The following TEX36 variants were observed in gnomAD, a reference collection of about 807,000 sequenced individuals.
TEX36 encodes the protein testis expressed 36.
TEX36 carries 12 observed loss-of-function variants against 13.6 expected under a neutral mutation model. The ratio of observed to expected loss-of-function variants is 0.88; its 90% CI spans 0.56 to 1.43. TEX36 has a LOEUF of 1.43. Among genes scored for constraint, TEX36 ranks in the 40% most tolerant of loss-of-function variants. TEX36 has a pLI of 0.00. For missense variants in TEX36, 224 were observed against 228.3 expected, an observed-to-expected ratio of 0.98 and a Z score of 0.12; for synonymous variants, 93 against 83.0, an observed-to-expected ratio of 1.12 and a Z score of -0.65.
At chr10:125,652,853 A>T (rs980154069), downstream of TEX36, among the ~76,000 whole-genome samples, 3 of 152,246 alleles carry the variant, frequency 2.0e-5, no homozygotes, top group African/African-American at 7.2e-5. Flanking sequence ...TTCTCAAAGG[A>T]AGACATTTAT....
chr10:125,586,635 C>CAAAAA (rs35078105), intron 3 of TEX36, among the ~76,000 whole-genome samples: 10 of 113,870 alleles, frequency 8.8e-5, no homozygotes, highest in Admixed American at 9.9e-5. Context: ...ACTAAAAATC[C>CAAAAA]AAAAAAAAAA....
chr10:125,669,480 C>CAA (rs151234839), intron 1 of TEX36, among the ~76,000 whole-genome samples: 184 of 138,490 alleles, frequency 1.3e-3, no homozygotes, highest in African/African-American at 4.7e-3. Context: ...AACTTTGTCT[C>CAA]AAAAAAAAAA....
chr10:125,580,900 C>T (rs1359129107), intron 3 of TEX36, among the ~76,000 whole-genome samples: 1 of 152,136 alleles, frequency 6.6e-6, no homozygotes, highest in Non-Finnish European at 1.5e-5. Context: ...AGGGAAGAGT[C>T]CTCTATAATC....
At chr10:125,633,790 A>C (rs1269225065) in intron 3 of TEX36, among the ~76,000 whole-genome samples, 1 of 152,226 alleles carries the variant, frequency 6.6e-6, no homozygotes, top group Non-Finnish European at 1.5e-5. Flanking sequence ...TCAGGAAATT[A>C]AACTTTTTAT....
intron 3 of TEX36, among the ~76,000 whole-genome samples, chr10:125,623,399 T>C (rs1409765993): frequency 6.6e-6 from 1 of 152,152 alleles, no homozygotes; most frequent in Non-Finnish European, 1.5e-5. Flanking sequence ...AACAATCGTT[T>C]ACTGGCCATC....
chr10:125,604,539 G>A (rs1846191919), intron 3 of TEX36, among the ~76,000 whole-genome samples: 1 of 151,720 alleles, frequency 6.6e-6, no homozygotes, highest in Admixed American at 6.6e-5. Flanking sequence ...GAGAGCCAAG[G>A]GCAGTGGCTC....
At chr10:125,660,020 T>C (rs1348272289) in intron 3 of TEX36, among the ~76,000 whole-genome samples, 1 of 152,238 alleles carries the variant, frequency 6.6e-6, no homozygotes, top group Admixed American at 6.5e-5. Flanking sequence ...ACACAAACTG[T>C]ATTTTAAAGA....
At chr10:125,585,372 T>A (rs888581481) in intron 3 of TEX36, among the ~76,000 whole-genome samples, 1 of 152,182 alleles carries the variant, frequency 6.6e-6, no homozygotes, top group African/African-American at 2.4e-5. Flanking sequence ...CCCCAAAGTA[T>A]GGCACGTTGG....
chr10:125,661,932 T>G lies in TEX36; in HGVS notation c.97A>C (p.Ser33Arg). 1 of 1,552,340 alleles carries G rather than the reference T, an allele frequency of 6.4e-7. No homozygotes were observed. The highest frequency in any genetic ancestry group is 8.7e-7 in the Non-Finnish European group (1 of 1,147,132). The change falls in exon 2 of 4, where the codon AGT (serine) becomes CGT (arginine). Residue 33 changes from serine to arginine, a missense_variant. Coordinates refer to ENST00000368821, the MANE Select transcript of TEX36 (RefSeq NM_001128202.3). ...LTQKTPESITSATSKEPQSPH... is the reference protein window; with the variant it reads ...LTQKTPESITRATSKEPQSPH... ...CTCTGGGGCTCTTTTGACGTAGCAC[T>G]GGTGATGGATTCTGGTGTCTTTTGC...
chr10:125,670,185 G>A (rs1376908671), intron 1 of TEX36, among the ~76,000 whole-genome samples: 1 of 152,212 alleles, frequency 6.6e-6, no homozygotes. Flanking sequence ...CTTCCACAAT[G>A]GTTGAACTAA....
chr10:125,584,238 C>A (rs778057804), intron 3 of TEX36, among the ~76,000 whole-genome samples: 1 of 152,242 alleles, frequency 6.6e-6, no homozygotes, highest in Non-Finnish European at 1.5e-5. Flanking sequence ...CACTGCCCAG[C>A]AGAGCCCAGC....
chr10:125,588,698 T>A (rs576284097), intron 3 of TEX36, among the ~76,000 whole-genome samples: 2 of 152,326 alleles, frequency 1.3e-5, no homozygotes, highest in African/African-American at 4.8e-5. Flanking sequence ...CACTGCAAAC[T>A]CCGCCTCCCG....
intron 1 of TEX36, among the ~76,000 whole-genome samples, chr10:125,663,613 T>C (rs1181577618): frequency 6.6e-6 from 1 of 152,224 alleles, no homozygotes; most frequent in Admixed American, 6.5e-5. Flanking sequence ...AGATGATATC[T>C]CATCGTGGTT....
rs539289272 is a variant in TEX36, at chr10:125,632,414, G to A, written c.265-10769C>T. 5.3e-5 allele frequency among the ~76,000 whole-genome samples: 8 copies of A among 152,208 alleles called. No homozygotes were observed. The South Asian group carries it at 8.3e-4, about 16-fold the overall frequency. On this transcript the variant is annotated intron_variant, in intron 3 of 3. Transcript: ENST00000526819. Reference sequence around the variant, plus strand: ...GGAAGAGACTCTCCTTCTTTGTCCCGCATCTCCTGTGCCTAGTACAGGGCC... The same window carrying A: ...GGAAGAGACTCTCCTTCTTTGTCCCACATCTCCTGTGCCTAGTACAGGGCC...
At chr10:125,639,100 C>T (rs1333305142) in intron 3 of TEX36, among the ~76,000 whole-genome samples, 1 of 152,126 alleles carries the variant, frequency 6.6e-6, no homozygotes, top group African/African-American at 2.4e-5. Flanking sequence ...AAATGAATTC[C>T]TTATCTGGCA....
chr10:125,654,100 C>G (rs1846905760), downstream of TEX36, among the ~76,000 whole-genome samples: 1 of 152,102 alleles, frequency 6.6e-6, no homozygotes, highest in Non-Finnish European at 1.5e-5. Flanking sequence ...AGAATTATCA[C>G]TTTTATGAAT....
Position 125,661,030 on chromosome 10 carries a change from G to C in TEX36, c.255C>G (p.Tyr85Ter). The C allele has an allele frequency of 1.9e-6, 3 of 1,551,420 alleles. No homozygotes were observed. The South Asian group carries it at 3.6e-5, about 18-fold the overall frequency. The change falls in exon 3 of 4, where the codon TAC (tyrosine) becomes TAG (stop). Residue 85 changes from tyrosine to a stop codon, truncating the protein, a stop_gained. Transcript: ENST00000368821. LOFTEE classifies it low-confidence loss of function (END_TRUNC). ...GGAAAGAAATACTCACGGAGTCAAG[G>C]TAGCATCCAGAGTTCTCCAAGCTGT... ...NRHSLENSGC[Y>*]LDSGLGRKKI...
intron 3 of TEX36, among the ~76,000 whole-genome samples, chr10:125,646,375 T>A (rs1424990921): frequency 3.9e-5 from 6 of 151,982 alleles, no homozygotes. Flanking sequence ...AGAAAACAAC[T>A]GCAAGCTATT....
At chr10:125,589,420 C>T (rs1165922518) in intron 3 of TEX36, among the ~76,000 whole-genome samples, 1 of 152,168 alleles carries the variant, frequency 6.6e-6, no homozygotes, top group Non-Finnish European at 1.5e-5. Flanking sequence ...CCACCCTTGT[C>T]TTATACCTGA....
Sources: gnomAD v4.1 joint callset for allele counts (sites outside exome capture counted in the v4.1 genomes callset) on GRCh38, gnomAD v4.1.1 for gene constraint, MANE v1.5 for transcripts, NCBI Gene and HGNC (gene_info 2026-07-23, HGNC 2026-07-21) for gene names.